Variants in SLCO2A1 observed in about 807,000 individuals in gnomAD.
SLCO2A1 encodes solute carrier organic anion transporter family member 2A1, also known as matrin F/G 1.
Under a neutral mutation model 71.7 loss-of-function variants are expected in SLCO2A1, and 60 were observed. The ratio of observed to expected loss-of-function variants is 0.84; its 90% CI spans 0.68 to 1.04. SLCO2A1 has a LOEUF of 1.04. Ranked by LOEUF, SLCO2A1 falls within the 50% of genes least tolerant of loss-of-function variation. SLCO2A1 has a pLI of 0.00. For synonymous variants in SLCO2A1, 308 were observed against 326.7 expected, an observed-to-expected ratio of 0.94 and a Z score of 0.62; for missense variants, 745 against 813.4, an observed-to-expected ratio of 0.92 and a Z score of 1.02.
chr3:134,014,427 C>T (rs973694897), intron 1 of SLCO2A1, among the ~76,000 whole-genome samples: 3 of 152,206 alleles, frequency 2.0e-5, no homozygotes, highest in Admixed American at 6.5e-5. Context: ...CAGTCTCAGA[C>T]TTCCTGCCTG....
At chr3:134,005,400 AC>A (rs1935185130) in intron 1 of SLCO2A1, among the ~76,000 whole-genome samples, 1 of 151,814 alleles carries the variant, frequency 6.6e-6, no homozygotes, top group Non-Finnish European at 1.5e-5. Flanking sequence ...AGAGCATGTA[AC>A]TAGATTTTAT....
At chr3:133,949,012 C>T in intron 6 of SLCO2A1, 41 bp from the exon 7 acceptor site, 1 of 1,535,766 alleles carries the variant, frequency 6.5e-7, no homozygotes, top group Non-Finnish European at 9.0e-7. Context: ...GGCCCAGGCT[C>T]ACTGTAGCCA....
chr3:133,960,855 T>C (rs1934017790), intron 3 of SLCO2A1, among the ~76,000 whole-genome samples: 1 of 151,960 alleles, frequency 6.6e-6, no homozygotes. Flanking sequence ...AAGTGGCCTC[T>C]GAACTGAGAA....
rs766149748 is a variant in SLCO2A1 at position 134,029,718 on chromosome 3, C to A, written c.85G>T (p.Gly29Cys). Reference sequence around the variant, plus strand: ...CGGACTCCGCTCACCTTAATGTTGCCGAAGACCGAGCGGGCACAGCGGCCG... The same window carrying A: ...CGGACTCCGCTCACCTTAATGTTGCAGAAGACCGAGCGGGCACAGCGGCCG... ...RAGRCARSVF[G>C]NIKVFVLCQG... is the part of the protein sequence containing the mutation. Residue 29 changes from glycine to cysteine, a missense_variant, in exon 1 of 14, where the codon GGC becomes TGC. Gly to Cys is a radical substitution (Grantham distance 159, BLOSUM62 -3). Coordinates refer to ENST00000310926, the MANE Select transcript of SLCO2A1 (RefSeq NM_005630.3). 6.3e-7 allele frequency: 1 copy of A among 1,589,028 alleles called. No homozygotes were observed. Among genetic ancestry groups the A allele is most frequent in the Non-Finnish European group, 8.5e-7 (1 of 1,171,902 alleles).
At chr3:133,991,177 T>C (rs1934835456) in intron 1 of SLCO2A1, among the ~76,000 whole-genome samples, 2 of 152,148 alleles carry the variant, frequency 1.3e-5, no homozygotes, top group Admixed American at 1.3e-4. Flanking sequence ...GGCAGGCTTC[T>C]AGGTTGGCTC....
intron 1 of SLCO2A1, among the ~76,000 whole-genome samples, chr3:134,028,500 T>C (rs539990784): frequency 1.3e-5 from 2 of 152,146 alleles, no homozygotes; most frequent in Non-Finnish European, 2.9e-5. Context: ...TTTATTGCGG[T>C]GCGGAAAGAG....
At chr3:134,025,778 G>GA (rs1160943917) in intron 1 of SLCO2A1, among the ~76,000 whole-genome samples, 7 of 152,092 alleles carry the variant, frequency 4.6e-5, no homozygotes, top group Non-Finnish European at 8.8e-5. Flanking sequence ...ATCCTCGCTG[G>GA]AAAAAAGAGG....
At chr3:133,947,772 G>C (rs567918892) in intron 8 of SLCO2A1, among the ~76,000 whole-genome samples, 11 of 152,250 alleles carry the variant, frequency 7.2e-5, no homozygotes, top group African/African-American at 2.4e-4. Flanking sequence ...CATGGGGTTA[G>C]CAACACAAGA....
intron 9 of SLCO2A1, among the ~76,000 whole-genome samples, chr3:133,946,279 C>T (rs1933577463): frequency 6.7e-6 from 1 of 149,450 alleles, no homozygotes; most frequent in African/African-American, 2.5e-5. Context: ...CTGAAAGGTA[C>T]AGCATCTCCA....
intron 1 of SLCO2A1, among the ~76,000 whole-genome samples, chr3:134,019,230 A>G (rs1176970141): frequency 6.6e-6 from 1 of 152,216 alleles, no homozygotes; most frequent in African/African-American, 2.4e-5. Flanking sequence ...CTTTCTGGTT[A>G]TGTGAACAAT....
At position 134,029,803 on chromosome 3, in the gene SLCO2A1, G is replaced by T. The variant is rs769243870; in HGVS notation, c.-1C>A. On this transcript the variant is annotated 5_prime_UTR_variant, in exon 1 of 14. Transcript: ENST00000310926. ...CGCCGAGCTTGGGCAGGAGCCCCATGGCTGCGGGCGGCTGGCCGGGCGCGG... is the reference window on the plus strand; with the variant it reads ...CGCCGAGCTTGGGCAGGAGCCCCATTGCTGCGGGCGGCTGGCCGGGCGCGG... 6.9e-7 allele frequency: 1 copy of T among 1,442,348 alleles called. No individual in the cohort carries two copies. The highest frequency in any genetic ancestry group is 1.5e-5 in the South Asian group (1 of 68,744). The allele number at this position is 1,442,348 out of a possible 1,614,324, so 89.3% of individuals were successfully genotyped here.
chr3:133,959,047 A>G (rs951793896), intron 3 of SLCO2A1, among the ~76,000 whole-genome samples: 1 of 152,232 alleles, frequency 6.6e-6, no homozygotes, highest in African/African-American at 2.4e-5. Context: ...TTCCCAGTTC[A>G]GCCACTGAAG....
At position 133,967,009 on chromosome 3, in the gene SLCO2A1, C is replaced by T. The variant is rs1055962865; in HGVS notation, c.397+6654G>A. ...GCCCAAAGCCACTGGAACAGAAGCCCGCTTTCCTTTTTACCCTGGATACTA... is the reference window on the plus strand; with the variant it reads ...GCCCAAAGCCACTGGAACAGAAGCCTGCTTTCCTTTTTACCCTGGATACTA... On this transcript the variant is annotated intron_variant, in intron 3 of 13. Transcript: ENST00000310926. 4.7e-4 allele frequency among the ~76,000 whole-genome samples: 72 copies of T among 152,176 alleles called. 2 individuals are homozygous for T. The highest frequency in any genetic ancestry group is 7.7e-4 in the East Asian group (4 of 5,190).
At chr3:133,993,647 T>A (rs897214921) in intron 1 of SLCO2A1, among the ~76,000 whole-genome samples, 1 of 150,782 alleles carries the variant, frequency 6.6e-6, no homozygotes, top group African/African-American at 2.4e-5. Context: ...CTCCAATTAA[T>A]TTTTTTTTTA....
chr3:134,010,232 TC>T (rs2108074141), intron 1 of SLCO2A1, among the ~76,000 whole-genome samples: 1 of 152,300 alleles, frequency 6.6e-6, no homozygotes, highest in South Asian at 2.1e-4. Context: ...GGTGTATTAG[TC>T]CATTTCACAC....
intron 5 of SLCO2A1, 66 bp from the exon 6 acceptor site, chr3:133,951,410 C>T: frequency 6.3e-7 from 1 of 1,582,208 alleles, no homozygotes; most frequent in Non-Finnish European, 8.6e-7. Context: ...GGAAACAGAA[C>T]CTCTGATCAG....
At chr3:133,986,594 A>C (rs1445248837) in intron 1 of SLCO2A1, among the ~76,000 whole-genome samples, 1 of 152,232 alleles carries the variant, frequency 6.6e-6, no homozygotes, top group Non-Finnish European at 1.5e-5. Flanking sequence ...CCTAACAAAC[A>C]TATAAAGAGG....
chr3:133,999,459 AT>A (rs1935054738), intron 1 of SLCO2A1, among the ~76,000 whole-genome samples: 1 of 149,308 alleles, frequency 6.7e-6, no homozygotes, highest in Non-Finnish European at 1.5e-5. Context: ...GACCAAGCAC[AT>A]TCATGGGAGA....
At chr3:133,946,840 C>T (rs552110442) in intron 9 of SLCO2A1, among the ~76,000 whole-genome samples, 3 of 152,112 alleles carry the variant, frequency 2.0e-5, no homozygotes, top group Admixed American at 6.5e-5. Context: ...GTGGGCCGGG[C>T]GGGGTGGCTC....
Sources: allele counts gnomAD v4.1 joint callset (sites outside exome capture counted in the v4.1 genomes callset), GRCh38; gene constraint gnomAD v4.1.1; transcripts MANE v1.5; gene names NCBI Gene and HGNC (gene_info 2026-07-23, HGNC 2026-07-21).